LRBA: variants seen among roughly 807,000 people sequenced by gnomAD.
LRBA encodes lipopolysaccharide-responsive and beige-like anchor protein.
LRBA carries 176 observed loss-of-function variants against 330.0 expected under a neutral mutation model. The observed-to-expected ratio is 0.53, with a 90% confidence interval of 0.47 to 0.60. The LOEUF (loss-of-function observed/expected upper bound fraction) is 0.60. LRBA is among the 20% of genes least tolerant of loss of function. The pLI is 0.00. For missense variants in LRBA, 3,259 were observed against 3,444.8 expected (o/e 0.95, Z 1.35); for synonymous variants, 1,230 against 1,193.0 (o/e 1.03, Z -0.64).
rs777661016 is a variant in LRBA, at chr4:150,597,189, T to C, written c.6046+1818A>G. The C allele has an allele frequency of 6.9e-6, 5 of 721,608 alleles. 1 individual carries two copies. Among genetic ancestry groups the C allele is most frequent in the Non-Finnish European group, 1.2e-5 (5 of 434,184 alleles). The allele number at this position is 721,608 out of a possible 1,614,324, so 44.7% of individuals were successfully genotyped here. ...GAGTAATCAGAGTGAAATCTACTTC[T>C]ATACAAGTCAAGAGTCTTAGGATGA... On this transcript the variant is annotated intron_variant, in intron 38 of 56. Coordinates refer to ENST00000651943, the MANE Select transcript of LRBA (RefSeq NM_001364905.1).
At chr4:150,768,084 G>A (rs12649813) in intron 34 of LRBA, among the ~76,000 whole-genome samples, 9,100 of 116,110 alleles carry the variant, frequency 0.078, 1,259 homozygotes, top group African/African-American at 0.23. Context: ...AAAAAAAAAA[G>A]TTTTTTTTTT....
intron 37 of LRBA, among the ~76,000 whole-genome samples, chr4:150,662,515 T>C (rs777698138): frequency 2.0e-5 from 3 of 152,226 alleles, no homozygotes; most frequent in African/African-American, 4.8e-5. Context: ...TTTTAAAAGC[T>C]TCCTACATTC....
chr4:151,005,580 G>A (rs1010955147), intron 2 of LRBA, among the ~76,000 whole-genome samples: 1 of 120,986 alleles, frequency 8.3e-6, no homozygotes, highest in Non-Finnish European at 1.6e-5. Context: ...TTTGGAGACA[G>A]AGTCTTGCTC....
intron 47 of LRBA, among the ~76,000 whole-genome samples, chr4:150,410,234 T>C (rs1024618406): frequency 2.0e-5 from 3 of 152,140 alleles, no homozygotes; most frequent in South Asian, 2.1e-4. Flanking sequence ...AAAAAAATTA[T>C]ACAAGATTGA....
intron 47 of LRBA, among the ~76,000 whole-genome samples, chr4:150,381,541 T>C (rs1309469602): frequency 6.6e-6 from 1 of 152,276 alleles, no homozygotes; most frequent in East Asian, 1.9e-4. Flanking sequence ...CTTCTGTTTA[T>C]GGCTGAATAA....
intron 5 of LRBA, among the ~76,000 whole-genome samples, chr4:150,920,554 TA>T (rs757164302): frequency 6.6e-6 from 1 of 150,756 alleles, no homozygotes; most frequent in Non-Finnish European, 1.5e-5. Context: ...CATCTCAAAA[TA>T]AAAAAAAAGT....
chr4:151,014,430 G>C lies in LRBA; in HGVS notation c.213C>G (p.Asn71Lys). ...TATAAAATATTCATGGACTTACCAG[G>C]TTAAAGACAGTTTCTACAATATCCC... ...SNRDIVETVF[N>K]LLVGGQFDLE... The change falls in exon 2 of 57, where the codon AAC becomes AAG. Residue 71 changes from asparagine (N) to lysine (K), a missense_variant. Transcript: ENST00000651943. The C allele has an allele frequency of 6.2e-7, 1 of 1,612,528 alleles. No homozygotes were observed. Among genetic ancestry groups the C allele is most frequent in the Non-Finnish European group, 8.5e-7 (1 of 1,178,600 alleles).
At position 150,668,050 on chromosome 4, in the gene LRBA, C is replaced by T. The variant is rs1781720472; in HGVS notation, c.5921+15501G>A. Among the ~76,000 whole-genome samples, 6 of 152,272 alleles carry T rather than the reference C, an allele frequency of 3.9e-5. 1 individual carries two copies. In the South Asian group the frequency reaches 1.2e-3, roughly 32 times the overall value. On this transcript the variant is annotated intron_variant, in intron 37 of 56. Transcript: ENST00000651943. ...CTATAGTCAATGTAGTTTCTTTCTTCCCTATCATAAATGTTCTATGCATTT... is the reference window on the plus strand; with the variant it reads ...CTATAGTCAATGTAGTTTCTTTCTTTCCTATCATAAATGTTCTATGCATTT...
At chr4:150,637,008 T>G (rs1004180392) in intron 37 of LRBA, among the ~76,000 whole-genome samples, 4 of 152,136 alleles carry the variant, frequency 2.6e-5, no homozygotes, top group African/African-American at 7.2e-5. Context: ...ACATTAACAG[T>G]GGCTTGGAAA....
intron 4 of LRBA, among the ~76,000 whole-genome samples, chr4:150,925,009 GA>G (rs1211848135): frequency 6.6e-6 from 1 of 151,704 alleles, no homozygotes; most frequent in Non-Finnish European, 1.5e-5. Context: ...GCCTCTAAAA[GA>G]AATGCAAAAA....
At chr4:150,854,640 G>A (rs1751009819) in intron 22 of LRBA, among the ~76,000 whole-genome samples, 1 of 152,198 alleles carries the variant, frequency 6.6e-6, no homozygotes, top group African/African-American at 2.4e-5. Context: ...GCGAGAAGGT[G>A]TATTTACTAG....
chr4:150,897,806 G>C lies in LRBA; in HGVS notation c.1937C>G (p.Pro646Arg), dbSNP rs755987682. Reference protein sequence around the residue: ...ITPKGLDGPRPNQKEMLSLRA... With the variant: ...ITPKGLDGPRRNQKEMLSLRA... ...TAGAGAAAGCATTTCTTTTTGATTA[G>C]GTCGCGGTCCATCTTTTAAAAAAAT... Residue 646 changes from proline (P) to arginine (R), a missense_variant, in exon 15 of 57, where the codon CCT becomes CGT. By Grantham distance (103) the Pro-to-Arg change is moderately radical (BLOSUM62 -2). Coordinates refer to ENST00000651943, the MANE Select transcript of LRBA (RefSeq NM_001364905.1). 2.5e-6 allele frequency: 4 copies of C among 1,610,784 alleles called. No individual in the cohort carries two copies. In the Admixed American group the frequency reaches 5.0e-5, roughly 20 times the overall value.
At chr4:150,832,090 A>T (rs952955101) in intron 28 of LRBA, 114 bp from the exon 29 acceptor site, 16 of 518,334 alleles carry the variant, frequency 3.1e-5, no homozygotes, top group Non-Finnish European at 4.9e-5. Context: ...TATACACAGA[A>T]AATACATTAC....
rs769597649 is a variant in LRBA at position 150,915,622 on chromosome 4, C to G, written c.1000G>C (p.Val334Leu). The G allele has an allele frequency of 6.8e-6, 11 of 1,610,326 alleles. No individual in the cohort carries two copies. The highest frequency in any genetic ancestry group is 9.3e-6 in the Non-Finnish European group (11 of 1,178,684). The part of the protein sequence containing the change: ...LASYGEITWF[V>L]NTSDTFDKCF... Reference sequence around the variant, plus strand: ...AAACTACTTACATCGCTAGTGTTGACAAACCATGTTATCTCTCCATAGGAA... The same window carrying G: ...AAACTACTTACATCGCTAGTGTTGAGAAACCATGTTATCTCTCCATAGGAA... The change falls in exon 8 of 57, where the codon GTC (valine) becomes CTC (leucine). Residue 334 changes from valine (V) to leucine (L), a missense_variant. Coordinates refer to ENST00000651943, the MANE Select transcript of LRBA (RefSeq NM_001364905.1).
At chr4:150,274,219 A>G (rs1746479937) in intron 56 of LRBA, among the ~76,000 whole-genome samples, 1 of 152,208 alleles carries the variant, frequency 6.6e-6, no homozygotes, top group Non-Finnish European at 1.5e-5. Context: ...CTGGGCAAAT[A>G]CTGAAATGAA....
chr4:150,880,495 G>C (rs1728243471), intron 17 of LRBA, among the ~76,000 whole-genome samples: 1 of 148,880 alleles, frequency 6.7e-6, no homozygotes, highest in Admixed American at 6.8e-5. Flanking sequence ...ACTCCAACCT[G>C]GGAAACAGAG....
intron 47 of LRBA, among the ~76,000 whole-genome samples, chr4:150,374,676 T>C (rs1259239028): frequency 6.6e-6 from 1 of 152,204 alleles, no homozygotes; most frequent in Middle Eastern, 3.2e-3. Flanking sequence ...GATTTTTGAA[T>C]TAGGGATGCT....
chr4:150,945,708 T>C (rs1736164393), intron 2 of LRBA, among the ~76,000 whole-genome samples: 1 of 152,156 alleles, frequency 6.6e-6, no homozygotes, highest in Non-Finnish European at 1.5e-5. Flanking sequence ...CATTCGGATA[T>C]AGTATCTGAA....
chr4:150,983,463 T>C (rs1170962775), intron 2 of LRBA, among the ~76,000 whole-genome samples: 1 of 147,976 alleles, frequency 6.8e-6, no homozygotes, highest in East Asian at 2.0e-4. Flanking sequence ...TTTTTTTTTT[T>C]TTTTTTTTGA....
Sources: gnomAD v4.1 joint callset for allele counts (sites outside exome capture counted in the v4.1 genomes callset) on GRCh38, gnomAD v4.1.1 for gene constraint, MANE v1.5 for transcripts, NCBI Gene and HGNC (gene_info 2026-07-23, HGNC 2026-07-21) for gene names.